The following NAV3 variants were observed in gnomAD, a reference collection of about 807,000 sequenced individuals.
NAV3 encodes neuron navigator 3, also known as pore membrane and/or filament interacting like protein 1.
In NAV3, 87 loss-of-function variants were observed where a neutral mutation model predicts 244.7. That is an observed-to-expected ratio of 0.36 (90% CI 0.30 to 0.42). The LOEUF (loss-of-function observed/expected upper bound fraction) is 0.42. Ranked by LOEUF, NAV3 falls within the 20% of genes least tolerant of loss-of-function variation. The probability of loss-of-function intolerance (pLI) is 1.00; values close to 1 mark genes in which losing one functional copy is unlikely to be tolerated. For synonymous variants in NAV3, 1,126 were observed against 1,042.2 expected (o/e 1.08, Z -1.55); for missense variants, 2,663 against 2,893.3 (o/e 0.92, Z 1.83).
intron 2 of NAV3, among the ~76,000 whole-genome samples, chr12:77,653,489 A>C (rs1027990688): frequency 6.6e-6 from 1 of 152,260 alleles, no homozygotes; most frequent in Non-Finnish European, 1.5e-5. Context: ...GGAAGTTCAT[A>C]GTTCTAATTG....
chr12:77,982,817 C>T (rs1869813819), intron 5 of NAV3, among the ~76,000 whole-genome samples: 1 of 152,118 alleles, frequency 6.6e-6, no homozygotes, highest in Admixed American at 6.5e-5. Context: ...TTAAAGAATC[C>T]ACTTCCAAGA....
At chr12:77,822,878 C>G (rs1475639972) in intron 2 of NAV3, among the ~76,000 whole-genome samples, 1 of 152,030 alleles carries the variant, frequency 6.6e-6, no homozygotes, top group African/African-American at 2.4e-5. Flanking sequence ...ATGCACAATA[C>G]AATTTCAGAA....
intron 9 of NAV3, among the ~76,000 whole-genome samples, chr12:78,035,545 A>C (rs906605144): frequency 7.2e-5 from 11 of 152,208 alleles, no homozygotes; most frequent in South Asian, 2.1e-4. Flanking sequence ...ATAAGAGCTG[A>C]TTATGCTGTG....
chr12:78,064,355 ATGGCCTTTCCTC>A (rs1214024427), intron 12 of NAV3, among the ~76,000 whole-genome samples: 4 of 151,682 alleles, frequency 2.6e-5, no homozygotes, highest in African/African-American at 9.7e-5. Context: ...GTATTCTCAC[ATGGCCTTTCCTC>A]TGTGCTCCTG....
Position 78,197,406 on chromosome 12 carries a change from G to T in NAV3, c.6446+5G>T. ...CAATTGTAAATACAACAAATGGTAT[G>T]CTTATCAAATATTCTGAATAATGAA... On this transcript the variant is annotated splice_donor_5th_base_variant and intron_variant, in intron 35 of 39. Transcript: ENST00000397909. 1.3e-6 allele frequency: 2 copies of T among 1,581,092 alleles called. No individual in the cohort carries two copies. Among genetic ancestry groups the T allele is most frequent in the Non-Finnish European group, 1.7e-6 (2 of 1,161,208 alleles).
At chr12:77,756,676 G>A (rs899753177) in intron 2 of NAV3, among the ~76,000 whole-genome samples, 1 of 152,284 alleles carries the variant, frequency 6.6e-6, no homozygotes, top group Admixed American at 6.5e-5. Flanking sequence ...CTTTAAAAAT[G>A]AGATTCTAAA....
chr12:77,770,827 C>A (rs1430619561), intron 2 of NAV3, among the ~76,000 whole-genome samples: 1 of 152,184 alleles, frequency 6.6e-6, no homozygotes, highest in African/African-American at 2.4e-5. Flanking sequence ...AAAACCTAGG[C>A]AATACCATTC....
intron 2 of NAV3, among the ~76,000 whole-genome samples, chr12:77,591,172 G>A (rs1869887200): frequency 6.6e-6 from 1 of 152,142 alleles, no homozygotes; most frequent in African/African-American, 2.4e-5. Context: ...ATTAAAATTT[G>A]TCTTCTTAAT....
At chr12:78,025,538 G>A (rs561178029) in intron 9 of NAV3, among the ~76,000 whole-genome samples, 105 of 138,020 alleles carry the variant, frequency 7.6e-4, no homozygotes, top group Non-Finnish European at 1.3e-3. Context: ...AGAGATTGCA[G>A]TGAGTCAAGA....
chr12:78,163,779 T>C lies in NAV3; in HGVS notation c.4869+4493T>C, dbSNP rs556402787. Among the ~76,000 whole-genome samples, 6 of 152,198 alleles carry C rather than the reference T, an allele frequency of 3.9e-5. No individual in the cohort carries two copies. The East Asian group carries it at 1.2e-3, about 30-fold the overall frequency. Reference sequence around the variant, plus strand: ...CATTACCCTATACCTAACCTAGGACTCAGTAGACTATGATATTGGCGTAGT... The same window carrying C: ...CATTACCCTATACCTAACCTAGGACCCAGTAGACTATGATATTGGCGTAGT... On this transcript the variant is annotated intron_variant, in intron 23 of 39. Transcript: ENST00000397909.
At position 77,714,433 on chromosome 12, in the gene NAV3, C is replaced by G. The variant is rs550414931; in HGVS notation, c.72+142167C>G. Among the ~76,000 whole-genome samples the G allele has an allele frequency of 2.2e-4, 33 of 152,228 alleles. No homozygotes were observed. The South Asian group carries it at 6.4e-3, about 30-fold the overall frequency. ...TAGGTTAATAGATCTGGTTCCTGAT[C>G]TGTCTGACTTTATCCAACTTTGTGT... On this transcript the variant is annotated intron_variant, in intron 2 of 8. Transcript: ENST00000550042.
intron 39 of NAV3, among the ~76,000 whole-genome samples, chr12:78,205,748 TTA>T (rs550215279): frequency 1.8e-4 from 27 of 152,196 alleles, no homozygotes; most frequent in Non-Finnish European, 3.1e-4. Flanking sequence ...AAAACACTTT[TTA>T]TATATCTATT....
chr12:77,576,415 GA>G (rs1473049666), intron 2 of NAV3, among the ~76,000 whole-genome samples: 1 of 151,996 alleles, frequency 6.6e-6, no homozygotes, highest in East Asian at 1.9e-4. Context: ...ACATCAAACA[GA>G]AGCGTGGTCT....
intron 9 of NAV3, among the ~76,000 whole-genome samples, chr12:78,025,446 A>G (rs989133319): frequency 4.0e-5 from 6 of 151,726 alleles, no homozygotes; most frequent in African/African-American, 1.5e-4. Context: ...AAGTACAAAC[A>G]TTAGCCGGCT....
chr12:77,970,388 T>C (rs1892898003), intron 5 of NAV3, among the ~76,000 whole-genome samples: 1 of 152,156 alleles, frequency 6.6e-6, no homozygotes, highest in Non-Finnish European at 1.5e-5. Context: ...CAGAAATCAC[T>C]TCTCTTTCAT....
At chr12:78,202,305 G>T (rs1449314217) in intron 38 of NAV3, among the ~76,000 whole-genome samples, 3 of 151,828 alleles carry the variant, frequency 2.0e-5, no homozygotes, top group Non-Finnish European at 4.4e-5. Flanking sequence ...TTGTTCTCTA[G>T]CTATGGTTTT....
chr12:78,148,137 T>C (rs1387549296), intron 21 of NAV3, among the ~76,000 whole-genome samples: 1 of 152,096 alleles, frequency 6.6e-6, no homozygotes, highest in Non-Finnish European at 1.5e-5. Context: ...GTTTATCTAA[T>C]TAGTTGCACC....
chr12:77,688,708 G>A (rs1197697001), intron 2 of NAV3, among the ~76,000 whole-genome samples: 5 of 151,862 alleles, frequency 3.3e-5, no homozygotes, highest in Non-Finnish European at 7.4e-5. Flanking sequence ...AGTTTTAATA[G>A]AATAGTGTAA....
intron 1 of NAV3, among the ~76,000 whole-genome samples, chr12:77,900,323 G>A (rs952664200): frequency 4.6e-5 from 7 of 151,994 alleles, no homozygotes; most frequent in African/African-American, 7.2e-5. Context: ...TGATCTGCCC[G>A]CCTTGGCCTC....
Sources: gnomAD v4.1 joint callset for allele counts (sites outside exome capture counted in the v4.1 genomes callset) on GRCh38, gnomAD v4.1.1 for gene constraint, MANE v1.5 for transcripts, NCBI Gene and HGNC (gene_info 2026-07-23, HGNC 2026-07-21) for gene names.